Variants in OR9G4 observed in about 807,000 individuals in gnomAD.
OR9G4 encodes the protein olfactory receptor family 9 subfamily G member 4.
Under a neutral mutation model 16.7 loss-of-function variants are expected in OR9G4, and 19 were observed. That is an observed-to-expected ratio of 1.14 (90% CI 0.79 to 1.67). The LOEUF (loss-of-function observed/expected upper bound fraction) is 1.67, where lower values mean the gene tolerates loss of function less well. Among genes scored for constraint, OR9G4 ranks in the 40% most tolerant of loss-of-function variants. The pLI, the probability that OR9G4 is intolerant of heterozygous loss-of-function variation, is 0.00. For synonymous variants in OR9G4, 182 were observed against 146.2 expected (o/e 1.24, Z -1.76); for missense variants, 428 against 370.4 (o/e 1.16, Z -1.28).
Position 56,742,978 on chromosome 11 carries a change from A to C in OR9G4, c.789T>G (p.Ser263Arg). 6.2e-7 allele frequency: 1 copy of C among 1,614,144 alleles called. No homozygotes were observed. Among genetic ancestry groups the C allele is most frequent in the Non-Finnish European group, 8.5e-7 (1 of 1,179,998 alleles). Residue 263 changes from serine (S) to arginine (R), a missense_variant, in exon 2 of 2, where the codon AGT becomes AGG. Coordinates refer to ENST00000641668, the MANE Select transcript of OR9G4 (RefSeq NM_001005284.2). Reference sequence around the variant, plus strand: ...TGTCCCTCTCTAGGGAGTAGGTGGAACTAGGCCTTGAATACATAAACAACA... The same window carrying C: ...TGTCCCTCTCTAGGGAGTAGGTGGACCTAGGCCTTGAATACATAAACAACA... Reference protein sequence around the residue: ...GSLLFMYSRPSSTYSLERDKV... With the variant: ...GSLLFMYSRPRSTYSLERDKV...
intron 1 of OR9G4, among the ~76,000 whole-genome samples, chr11:56,747,141 C>A (rs1424812933): frequency 1.3e-5 from 2 of 151,824 alleles, no homozygotes; most frequent in East Asian, 3.9e-4. Context: ...ATGGCTTTCT[C>A]ACTTTTTCTC....
chr11:56,744,694 GC>G (rs1858376671), intron 1 of OR9G4, among the ~76,000 whole-genome samples: 2 of 152,232 alleles, frequency 1.3e-5, no homozygotes, highest in African/African-American at 2.4e-5. Context: ...ATTTCAAGAA[GC>G]TTTTTATGTT....
Position 56,741,233 on chromosome 11 carries a change from G to T in OR9G4, c.*1595C>A. On this transcript the variant is annotated 3_prime_UTR_variant, in exon 2 of 2. Transcript: ENST00000641668. ...AACAAGAAAAATTGTGTTTCTTTGT[G>T]TTTCGTTTGTTTGTTATGATTTTGA... 6.0e-6 allele frequency: 2 copies of T among 334,396 alleles called. No individual in the cohort carries two copies. The highest frequency in any genetic ancestry group is 1.1e-5 in the Non-Finnish European group (2 of 175,384). The allele number at this position is 334,396 out of a possible 1,614,324, so 20.7% of individuals were successfully genotyped here.
In OR9G4 at chr11:56,743,480, C is replaced by T. The variant is rs752835676; in HGVS notation, c.287G>A (p.Gly96Glu). 1 of 1,614,112 alleles carries T rather than the reference C, an allele frequency of 6.2e-7. No homozygotes were observed. The highest frequency in any genetic ancestry group is 1.1e-5 in the South Asian group (1 of 91,080). Residue 96 changes from glycine (G) to glutamate (E), a missense_variant, in exon 2 of 2, where the codon GGA (glycine) becomes GAA (glutamate). Transcript: ENST00000641668. Reference protein sequence around the residue: ...VSEDKRISLAGCGAQLFFSCV... With the variant: ...VSEDKRISLAECGAQLFFSCV... ...GGAAAAAAACAGCTGAGCCCCACATCCAGCCAAGGAAATGCGCTTATCTTC... is the reference window on the plus strand; with the variant it reads ...GGAAAAAAACAGCTGAGCCCCACATTCAGCCAAGGAAATGCGCTTATCTTC...
rs1022023214 is a variant in OR9G4 at position 56,741,236 on chromosome 11, T to G, written c.*1592A>C. The G allele has an allele frequency of 2.9e-6, 1 of 339,404 alleles. No individual in the cohort carries two copies. Among genetic ancestry groups the G allele is most frequent in the Non-Finnish European group, 5.6e-6 (1 of 178,134 alleles). The allele number at this position is 339,404 out of a possible 1,614,324, so 21.0% of individuals were successfully genotyped here. On this transcript the variant is annotated 3_prime_UTR_variant, in exon 2 of 2. Coordinates refer to ENST00000641668, the MANE Select transcript of OR9G4 (RefSeq NM_001005284.2). ...AAGAAAAATTGTGTTTCTTTGTGTTTCGTTTGTTTGTTATGATTTTGAGAT... is the reference window on the plus strand; with the variant it reads ...AAGAAAAATTGTGTTTCTTTGTGTTGCGTTTGTTTGTTATGATTTTGAGAT...
intron 1 of OR9G4, among the ~76,000 whole-genome samples, chr11:56,746,864 T>A (rs1477888977): frequency 6.6e-6 from 1 of 152,132 alleles, no homozygotes; most frequent in Non-Finnish European, 1.5e-5. Context: ...CTGCTACCAC[T>A]CTGTTCAAAC....
intron 1 of OR9G4, among the ~76,000 whole-genome samples, chr11:56,747,183 TTTATTATTATTATTATTA>T: frequency 7.0e-6 from 1 of 142,842 alleles, no homozygotes; most frequent in Admixed American, 7.0e-5. Flanking sequence ...GCATCAAAGA[TTTATTATTATTATTATTA>T]TTATTATTAT....
In OR9G4 at chr11:56,743,725, C is replaced by T. The variant is rs746456849; in HGVS notation, c.42G>A (p.Leu14=). The T allele has an allele frequency of 1.2e-6, 2 of 1,613,968 alleles. No homozygotes were observed. Among genetic ancestry groups the T allele is most frequent in the Non-Finnish European group, 1.7e-6 (2 of 1,179,976 alleles). The change falls in exon 2 of 2, where the codon TTG becomes TTA. Residue 14 remains leucine (L), a synonymous_variant. Coordinates refer to ENST00000641668, the MANE Select transcript of OR9G4 (RefSeq NM_001005284.2). ...ACTGGGAATCTGCTGAGAAACCCAA[C>T]AAGATGAATTCAGTCAGGATGGTGC... ...GNCTILTEFI[L]LGFSADSQWQ... is the part of the protein sequence containing the mutation.
chr11:56,742,699 T>C lies in OR9G4; in HGVS notation c.*129A>G. 1.3e-6 allele frequency: 1 copy of C among 752,602 alleles called. No individual in the cohort carries two copies. Among genetic ancestry groups the C allele is most frequent in the Non-Finnish European group, 2.2e-6 (1 of 457,624 alleles). The allele number at this position is 752,602 out of a possible 1,614,324, so 46.6% of individuals were successfully genotyped here. On this transcript the variant is annotated 3_prime_UTR_variant, in exon 2 of 2. Coordinates refer to ENST00000641668, the MANE Select transcript of OR9G4 (RefSeq NM_001005284.2). ...ATAACAAACGAATAACAAGGAGTCATGTGGTCAATATTTTAATGTTTTAAA... is the reference window on the plus strand; with the variant it reads ...ATAACAAACGAATAACAAGGAGTCACGTGGTCAATATTTTAATGTTTTAAA...
At position 56,741,869 on chromosome 11, in the gene OR9G4, T is replaced by C. The variant is rs558085398; in HGVS notation, c.*959A>G. 6 of 152,328 alleles carry C rather than the reference T, an allele frequency of 3.9e-5. No homozygotes were observed. Among genetic ancestry groups the C allele is most frequent in the Non-Finnish European group, 7.4e-5 (5 of 68,022 alleles). 9.4% of individuals were successfully genotyped at this position (152,328 alleles called of 1,614,324 possible). ...CTGCCATCACAAGGGGGTTCAGTTA[T>C]GGAGTTTATATCAGGGTTTAGGGAA... On this transcript the variant is annotated 3_prime_UTR_variant, in exon 2 of 2. Coordinates refer to ENST00000641668, the MANE Select transcript of OR9G4 (RefSeq NM_001005284.2).
intron 1 of OR9G4, among the ~76,000 whole-genome samples, chr11:56,744,177 C>T (rs1422289025): frequency 6.6e-6 from 1 of 152,086 alleles, no homozygotes; most frequent in Non-Finnish European, 1.5e-5. Context: ...AAGCAATTCT[C>T]CTGCCTCAGC....
At chr11:56,744,523 A>G (rs549961317) in intron 1 of OR9G4, among the ~76,000 whole-genome samples, 5 of 152,328 alleles carry the variant, frequency 3.3e-5, no homozygotes, top group African/African-American at 1.2e-4. Context: ...GTATTAGATT[A>G]TTAAAGTTGC....
At position 56,742,778 on chromosome 11, in the gene OR9G4, A is replaced by G; in HGVS notation, c.*50T>C. 1.3e-6 allele frequency: 2 copies of G among 1,524,840 alleles called. No individual in the cohort carries two copies. Among genetic ancestry groups the G allele is most frequent in the Admixed American group, 3.8e-5 (2 of 52,840 alleles). The allele number at this position is 1,524,840 out of a possible 1,614,324, so 94.5% of individuals were successfully genotyped here. On this transcript the variant is annotated 3_prime_UTR_variant, in exon 2 of 2. Transcript: ENST00000641668. ...AGAAATGCAAATGAACACATTTATAAGCCAATAATCTGGAAAATTCAATAA... is the reference window on the plus strand; with the variant it reads ...AGAAATGCAAATGAACACATTTATAGGCCAATAATCTGGAAAATTCAATAA...
In OR9G4 at chr11:56,744,269, G is replaced by A. The variant is rs11823406; in HGVS notation, c.-22-481C>T. Among the ~76,000 whole-genome samples, 1,500 of 152,184 alleles carry A rather than the reference G, an allele frequency of 9.9e-3. 24 individuals carry two copies. Among genetic ancestry groups the A allele is most frequent in the African/African-American group, 0.034 (1,429 of 41,524 alleles). ...GTGTTTTACCATGTTGGCCATGCTCGTCTCAAACTCCTGACCTTAGGTGAT... is the reference window on the plus strand; with the variant it reads ...GTGTTTTACCATGTTGGCCATGCTCATCTCAAACTCCTGACCTTAGGTGAT... On this transcript the variant is annotated intron_variant, in intron 1 of 1. Transcript: ENST00000641668.
At chr11:56,747,410 C>T (rs1472705887) in intron 1 of OR9G4, among the ~76,000 whole-genome samples, 1 of 152,048 alleles carries the variant, frequency 6.6e-6, no homozygotes, top group African/African-American at 2.4e-5. Flanking sequence ...CAATCTTCAC[C>T]CTTATTACTC....
At chr11:56,746,287 C>A in intron 1 of OR9G4, among the ~76,000 whole-genome samples, 1 of 99,692 alleles carries the variant, frequency 1.0e-5, no homozygotes, top group African/African-American at 4.0e-5. Context: ...AGCGAGACTC[C>A]GTCTCAAAAA....
rs1267262047 is a variant in OR9G4, at chr11:56,742,215, T to C, written c.*613A>G. On this transcript the variant is annotated 3_prime_UTR_variant, in exon 2 of 2. Coordinates refer to ENST00000641668, the MANE Select transcript of OR9G4 (RefSeq NM_001005284.2). ...AGAAGACTGTTAGGATGATATGCAA[T>C]TCTAAAGACACATATTTATTCATTA... The C allele has an allele frequency of 6.5e-6, 1 of 152,886 alleles. No individual in the cohort carries two copies. The highest frequency in any genetic ancestry group is 1.9e-4 in the East Asian group (1 of 5,206). The allele number at this position is 152,886 out of a possible 1,614,324, so 9.5% of individuals were successfully genotyped here.
intron 1 of OR9G4, among the ~76,000 whole-genome samples, chr11:56,747,237 A>G (rs1858432062): frequency 6.6e-6 from 1 of 151,332 alleles, no homozygotes; most frequent in Non-Finnish European, 1.5e-5. Flanking sequence ...TCTAGGGTGC[A>G]TGACTGTCTG....
rs142399579 is a variant in OR9G4 at position 56,745,855 on chromosome 11, T to C, written c.-22-2067A>G. Among the ~76,000 whole-genome samples the C allele has an allele frequency of 3.7e-3, 565 of 151,986 alleles. 8 individuals are homozygous for C. The highest frequency in any genetic ancestry group is 3.9e-3 in the Admixed American group (59 of 15,276). On this transcript the variant is annotated intron_variant, in intron 1 of 1. Transcript: ENST00000641668. ...TTGCAATACAGTGTGGCAGAGCAGA[T>C]TAACAGTCCTTACATACACACGTAT...
Sources: allele counts gnomAD v4.1 joint callset (sites outside exome capture counted in the v4.1 genomes callset), GRCh38; gene constraint gnomAD v4.1.1; transcripts MANE v1.5; gene names NCBI Gene and HGNC (gene_info 2026-07-23, HGNC 2026-07-21).